Variants in FH observed in about 807,000 individuals in gnomAD.
FH encodes fumarate hydratase, mitochondrial.
A neutral mutation model predicts 49.4 loss-of-function variants in FH; 22 were observed. The ratio of observed to expected loss-of-function variants is 0.45; its 90% CI spans 0.32 to 0.64. The LOEUF (loss-of-function observed/expected upper bound fraction) is 0.64, where lower values mean the gene tolerates loss of function less well. Ranked by LOEUF, FH falls within the 30% of genes least tolerant of loss-of-function variation. FH has a pLI of 0.05. For missense variants in FH, 526 were observed against 641.5 expected, an observed-to-expected ratio of 0.82 and a Z score of 1.95; for synonymous variants, 208 against 223.0, an observed-to-expected ratio of 0.93 and a Z score of 0.60.
intron 3 of FH, among the ~76,000 whole-genome samples, chr1:241,513,228 T>C (rs1020133645): frequency 1.3e-5 from 2 of 152,068 alleles, no homozygotes; most frequent in Admixed American, 1.3e-4. Flanking sequence ...ACAATGTTAT[T>C]AGCATATTAG....
chr1:241,501,458 A>G (rs1659778114), intron 8 of FH, among the ~76,000 whole-genome samples: 1 of 152,164 alleles, frequency 6.6e-6, no homozygotes, highest in Non-Finnish European at 1.5e-5. Flanking sequence ...CTGACCTGAG[A>G]GCAAAATTTT....
chr1:241,513,719 A>T lies in FH; in HGVS notation c.268-6T>A, dbSNP rs770551285. On this transcript the variant is annotated splice_region_variant and splice_polypyrimidine_tract_variant and intron_variant, in intron 2 of 9. Coordinates refer to ENST00000366560, the MANE Select transcript of FH (RefSeq NM_000143.4). ...AAAGCTTTAATAACTGGGGTCTAAA[A>T]TTAATCAGAAAAATATTTCAAATTT... 2 of 1,608,902 alleles carry T rather than the reference A, an allele frequency of 1.2e-6. No individual in the cohort carries two copies. The highest frequency in any genetic ancestry group is 1.7e-6 in the Non-Finnish European group (2 of 1,175,378).
At chr1:241,510,311 A>G (rs545885028) in intron 4 of FH, among the ~76,000 whole-genome samples, 1 of 152,242 alleles carries the variant, frequency 6.6e-6, no homozygotes, top group Non-Finnish European at 1.5e-5. Flanking sequence ...TTAAAGTACC[A>G]GGAAGTCGGA....
chr1:241,506,091 G>A lies in FH; in HGVS notation c.816C>T (p.Leu272=), dbSNP rs775368701. The change falls in exon 6 of 10, where the codon CTC becomes CTT. Residue 272 remains leucine, a synonymous_variant. Coordinates refer to ENST00000366560, the MANE Select transcript of FH (RefSeq NM_000143.4). The part of the protein sequence containing the change: ...IKAAMPRIYE[L]AAGGTAVGTG... ...TACCAACAGCAGTGCCTCCAGCTGCGAGCTCATAGATTCTTGGCATGGCAG... is the reference window on the plus strand; with the variant it reads ...TACCAACAGCAGTGCCTCCAGCTGCAAGCTCATAGATTCTTGGCATGGCAG... The A allele has an allele frequency of 1.1e-5, 18 of 1,613,712 alleles. No homozygotes were observed. The highest frequency in any genetic ancestry group is 2.2e-5 in the East Asian group (1 of 44,872).
intron 9 of FH, among the ~76,000 whole-genome samples, chr1:241,500,127 T>C (rs1444674984): frequency 6.6e-6 from 1 of 152,180 alleles, no homozygotes; most frequent in Non-Finnish European, 1.5e-5. Context: ...GTCTTACAAA[T>C]AACCTTCCCC....
In FH at chr1:241,508,790, T is replaced by C. The variant is rs1060500892; in HGVS notation, c.556-5A>G. Reference sequence around the variant, plus strand: ...GGGAAAAGTATCATTTGAGCTCTGTTGGAAATTTTTCAAAAGAAATATAAA... The same window carrying C: ...GGGAAAAGTATCATTTGAGCTCTGTCGGAAATTTTTCAAAAGAAATATAAA... On this transcript the variant is annotated splice_region_variant and splice_polypyrimidine_tract_variant and intron_variant, in intron 4 of 9. Coordinates refer to ENST00000366560, the MANE Select transcript of FH (RefSeq NM_000143.4). 3.7e-6 allele frequency: 6 copies of C among 1,612,314 alleles called. No homozygotes were observed. Among genetic ancestry groups the C allele is most frequent in the Admixed American group, 1.7e-5 (1 of 59,822 alleles).
chr1:241,508,853 T>A, intron 4 of FH, 68 bp from the exon 5 acceptor site: 1 of 1,378,974 alleles, frequency 7.3e-7, no homozygotes, highest in Non-Finnish European at 1.0e-6. Flanking sequence ...ACTTCTGAAT[T>A]AAACTTCTCA....
At chr1:241,503,363 T>C (rs1659830511) in intron 7 of FH, among the ~76,000 whole-genome samples, 2 of 152,216 alleles carry the variant, frequency 1.3e-5, no homozygotes, top group South Asian at 2.1e-4. Context: ...AAAAGTTACA[T>C]TGTCAGTTTT....
chr1:241,516,262 C>T (rs1365713880), intron 2 of FH, among the ~76,000 whole-genome samples: 1 of 152,056 alleles, frequency 6.6e-6, no homozygotes, highest in Non-Finnish European at 1.5e-5. Context: ...GAAATCAACC[C>T]AAATGTCCAT....
intron 3 of FH, 88 bp downstream of exon 3, chr1:241,513,515 T>C: frequency 1.0e-6 from 1 of 970,116 alleles, no homozygotes; most frequent in Non-Finnish European, 1.7e-6. Flanking sequence ...GAATTCACAG[T>C]TCCCCTTTCC....
chr1:241,509,598 A>G (rs1309919437), intron 4 of FH, among the ~76,000 whole-genome samples: 1 of 152,172 alleles, frequency 6.6e-6, no homozygotes, highest in African/African-American at 2.4e-5. Flanking sequence ...ACACAGAGCA[A>G]TACCCTGTCT....
chr1:241,503,043 A>G (rs1659822660), intron 7 of FH, among the ~76,000 whole-genome samples: 1 of 152,058 alleles, frequency 6.6e-6, no homozygotes, highest in African/African-American at 2.4e-5. Context: ...AAATTTTCCT[A>G]TTTATCACGA....
At chr1:241,502,297 T>C in intron 8 of FH, 146 bp downstream of exon 8, 6 of 859,848 alleles carry the variant, frequency 7.0e-6, no homozygotes, top group Non-Finnish European at 1.1e-5. Context: ...AGGATTATTC[T>C]GGTAACTTAA....
chr1:241,512,385 G>A (rs1169559070), intron 3 of FH, among the ~76,000 whole-genome samples: 2 of 152,128 alleles, frequency 1.3e-5, no homozygotes, highest in African/African-American at 4.8e-5. Flanking sequence ...CTCTAACAGA[G>A]GACCACCTGT....
chr1:241,513,974 C>G (rs1427469503), intron 2 of FH, among the ~76,000 whole-genome samples: 1 of 152,064 alleles, frequency 6.6e-6, no homozygotes, highest in Non-Finnish European at 1.5e-5. Context: ...GTGTACGTCT[C>G]CCACATACAT....
chr1:241,516,661 T>TG (rs1365085277), intron 2 of FH, among the ~76,000 whole-genome samples: 2 of 151,424 alleles, frequency 1.3e-5, no homozygotes, highest in Non-Finnish European at 2.9e-5. Flanking sequence ...TAAATTAATT[T>TG]TTTTTTTTTT....
At position 241,505,982 on chromosome 1, in the gene FH, A is replaced by T. The variant is rs751072171; in HGVS notation, c.904+21T>A. 6 of 1,611,810 alleles carry T rather than the reference A, an allele frequency of 3.7e-6. No individual in the cohort carries two copies. The highest frequency in any genetic ancestry group is 5.1e-6 in the Non-Finnish European group (6 of 1,178,022). On this transcript the variant is annotated intron_variant, in intron 6 of 9. Transcript: ENST00000366560. ...GTATAATGAGAAATGAAAATGAGAA[A>T]TAATTCACGTGATCACTAACCTGTA...
In FH at chr1:241,507,958, G is replaced by A. The variant is rs114036422; in HGVS notation, c.738+645C>T. Among the ~76,000 whole-genome samples the A allele has an allele frequency of 5.0e-3, 768 of 152,188 alleles. 10 individuals carry two copies. Among genetic ancestry groups the A allele is most frequent in the African/African-American group, 0.017 (722 of 41,524 alleles). ...ATTTCCTTCACAATGTATACTATTA[G>A]ATATTCCTTAAGGCATTGAAAAAGA... On this transcript the variant is annotated intron_variant, in intron 5 of 9. Coordinates refer to ENST00000366560, the MANE Select transcript of FH (RefSeq NM_000143.4).
chr1:241,508,804 A>C lies in FH; in HGVS notation c.556-19T>G. On this transcript the variant is annotated intron_variant, in intron 4 of 9. Transcript: ENST00000366560. Reference sequence around the variant, plus strand: ...TTGAGCTCTGTTGGAAATTTTTCAAAAGAAATATAAAATGTTAAATCAGAG... The same window carrying C: ...TTGAGCTCTGTTGGAAATTTTTCAACAGAAATATAAAATGTTAAATCAGAG... The C allele has an allele frequency of 8.7e-6, 14 of 1,607,704 alleles. No homozygotes were observed. The highest frequency in any genetic ancestry group is 1.0e-5 in the Non-Finnish European group (12 of 1,175,138).
Sources: gnomAD v4.1 joint callset for allele counts (sites outside exome capture counted in the v4.1 genomes callset) on GRCh38, gnomAD v4.1.1 for gene constraint, MANE v1.5 for transcripts, NCBI Gene and HGNC (gene_info 2026-07-23, HGNC 2026-07-21) for gene names.